Variants in TMTC1 observed in about 807,000 individuals in gnomAD.
The protein encoded by TMTC1 is transmembrane O-mannosyltransferase targeting cadherins 1.
In TMTC1, 73 loss-of-function variants were observed where a neutral mutation model predicts 104.8. The ratio of observed to expected loss-of-function variants is 0.70; its 90% CI spans 0.58 to 0.85. TMTC1 has a LOEUF of 0.85. Ranked by LOEUF, TMTC1 falls within the 40% of genes least tolerant of loss-of-function variation. TMTC1 has a pLI of 0.00. For synonymous variants in TMTC1, 434 were observed against 428.7 expected (o/e 1.01, Z -0.15); for missense variants, 1,035 against 1,096.1 (o/e 0.94, Z 0.79).
At chr12:29,751,384 C>T (rs567636722) in intron 5 of TMTC1, among the ~76,000 whole-genome samples, 1 of 152,066 alleles carries the variant, frequency 6.6e-6, no homozygotes, top group Admixed American at 6.6e-5. Context: ...AAACGTAGGG[C>T]GCCCATCTTC....
At chr12:29,551,244 G>C (rs915721808) in intron 10 of TMTC1, among the ~76,000 whole-genome samples, 2 of 152,088 alleles carry the variant, frequency 1.3e-5, no homozygotes, top group Non-Finnish European at 2.9e-5. Context: ...TCAGTTAAAA[G>C]GTAGAGAAAA....
chr12:29,640,336 CG>C (rs1448506009), intron 5 of TMTC1, among the ~76,000 whole-genome samples: 1 of 141,338 alleles, frequency 7.1e-6, no homozygotes, highest in African/African-American at 3.0e-5. Flanking sequence ...GACAGAGCAG[CG>C]AGGGGGGGCT....
chr12:29,664,830 C>A (rs1305718061), intron 5 of TMTC1, among the ~76,000 whole-genome samples: 7 of 152,212 alleles, frequency 4.6e-5, no homozygotes, highest in Non-Finnish European at 7.3e-5. Context: ...AATGCTATTA[C>A]TATTTTTTTC....
chr12:29,691,451 C>CCTTTCTCTATCCCCTTCGTCCCCCACCCG (rs1555187779), intron 5 of TMTC1, among the ~76,000 whole-genome samples: 5 of 146,896 alleles, frequency 3.4e-5, no homozygotes, highest in African/African-American at 7.5e-5. Context: ...AATAATAAAA[C>CCTTTCTCTATCCCCTTCGTCCCCCACCCG]TGGTTTCCCA....
At chr12:29,644,047 TATATAA>T (rs1363509657) in intron 5 of TMTC1, among the ~76,000 whole-genome samples, 3 of 98,454 alleles carry the variant, frequency 3.0e-5, no homozygotes, top group African/African-American at 1.3e-4. Flanking sequence ...ATATAATTTA[TATATAA>T]ATATAAATAT....
At chr12:29,509,487 C>T (rs549271503) in intron 17 of TMTC1, among the ~76,000 whole-genome samples, 1 of 152,204 alleles carries the variant, frequency 6.6e-6, no homozygotes, top group Non-Finnish European at 1.5e-5. Context: ...GGGGAAGGAG[C>T]GAGGCCTAGG....
At chr12:29,596,985 G>A (rs1395875608) in intron 7 of TMTC1, among the ~76,000 whole-genome samples, 1 of 152,144 alleles carries the variant, frequency 6.6e-6, no homozygotes, top group Non-Finnish European at 1.5e-5. Flanking sequence ...TTAGATATTA[G>A]GCTTCAGCTC....
At chr12:29,635,028 C>T (rs944033487) in intron 5 of TMTC1, among the ~76,000 whole-genome samples, 2 of 152,140 alleles carry the variant, frequency 1.3e-5, no homozygotes, top group Admixed American at 1.3e-4. Flanking sequence ...GACTCTCAAA[C>T]CCCAACAAAG....
chr12:29,515,722 T>C (rs1274288425), intron 15 of TMTC1, among the ~76,000 whole-genome samples: 1 of 149,228 alleles, frequency 6.7e-6, no homozygotes, highest in African/African-American at 2.5e-5. Flanking sequence ...TCCTTCTCTA[T>C]GGGTTAGCTC....
chr12:29,545,175 A>G (rs778288139), intron 10 of TMTC1, among the ~76,000 whole-genome samples: 6 of 151,626 alleles, frequency 4.0e-5, no homozygotes, highest in Non-Finnish European at 8.8e-5. Flanking sequence ...GCAGGATGCT[A>G]TTACAATGCA....
At chr12:29,749,278 C>T (rs186135044) in intron 5 of TMTC1, among the ~76,000 whole-genome samples, 61 of 152,292 alleles carry the variant, frequency 4.0e-4, no homozygotes, top group Non-Finnish European at 6.5e-4. Flanking sequence ...ATTCCTCCCA[C>T]TAACAACCTT....
intron 5 of TMTC1, among the ~76,000 whole-genome samples, chr12:29,722,411 A>G (rs1220092341): frequency 6.6e-6 from 1 of 152,214 alleles, no homozygotes; most frequent in Non-Finnish European, 1.5e-5. Flanking sequence ...TGACAATGAA[A>G]TTACTTGGTA....
chr12:29,754,179 A>T (rs938339371), intron 4 of TMTC1, among the ~76,000 whole-genome samples: 18 of 820 alleles, frequency 0.022, no homozygotes, highest in Non-Finnish European at 0.16. Context: ...AGTTTCTTTA[A>T]AAAAAAAAAA....
chr12:29,755,899 T>G lies in TMTC1; in HGVS notation c.555-14A>C, dbSNP rs765939403. On this transcript the variant is annotated splice_polypyrimidine_tract_variant and intron_variant, in intron 3 of 17. Transcript: ENST00000539277. ...TGATCCAGACTCCTGAAAAACAAGT[T>G]GGAGATTCTTTTAATCTAAGAAAGA... 3.7e-6 allele frequency: 6 copies of G among 1,611,570 alleles called. No individual in the cohort carries two copies. The highest frequency in any genetic ancestry group is 5.1e-6 in the Non-Finnish European group (6 of 1,179,088).
At chr12:29,659,740 A>G in intron 5 of TMTC1, 2 of 617,142 alleles carry the variant, frequency 3.2e-6, no homozygotes, top group South Asian at 2.4e-5. Flanking sequence ...TTTATTGGAA[A>G]CAATTTCAAA....
chr12:29,718,626 T>C (rs560371848), intron 5 of TMTC1, among the ~76,000 whole-genome samples: 63 of 152,226 alleles, frequency 4.1e-4, no homozygotes, highest in African/African-American at 1.3e-3. Flanking sequence ...ACAAACACAA[T>C]CAATTATATT....
chr12:29,593,228 C>T (rs1946326710), intron 7 of TMTC1, among the ~76,000 whole-genome samples: 1 of 152,058 alleles, frequency 6.6e-6, no homozygotes, highest in Non-Finnish European at 1.5e-5. Flanking sequence ...ATATTTCCTG[C>T]CAAACCCACA....
Position 29,522,092 on chromosome 12 carries a change from GT to G in TMTC1, c.1786-1373del, listed in dbSNP as rs1181965069. 2.6e-5 allele frequency among the ~76,000 whole-genome samples: 4 copies of G among 152,162 alleles called. No homozygotes were observed. The East Asian group carries it at 7.7e-4, about 29-fold the overall frequency. ...TTTAAAAAATACATATATGCCCTGA[GT>G]ATGGACATTTTCCAAAACCTTATCT... On this transcript the variant is annotated intron_variant, in intron 11 of 17. Coordinates refer to ENST00000539277, the MANE Select transcript of TMTC1 (RefSeq NM_001193451.2).
intron 1 of TMTC1, among the ~76,000 whole-genome samples, chr12:29,777,236 AG>A (rs890892103): frequency 3.3e-5 from 5 of 152,056 alleles, no homozygotes; most frequent in African/African-American, 1.2e-4. Context: ...CTGGGACTAC[AG>A]GTGCACACCA....
Sources: allele counts gnomAD v4.1 joint callset (sites outside exome capture counted in the v4.1 genomes callset), GRCh38; gene constraint gnomAD v4.1.1; transcripts MANE v1.5; gene names NCBI Gene and HGNC (gene_info 2026-07-23, HGNC 2026-07-21).